Variants in SEMA3E observed in about 807,000 individuals in gnomAD.
The protein encoded by SEMA3E is semaphorin-3E.
In SEMA3E, 49 loss-of-function variants were observed where a neutral mutation model predicts 93.6. The observed-to-expected ratio is 0.52, with a 90% CI of 0.42 to 0.66. The LOEUF is 0.66. Ranked by LOEUF, SEMA3E falls within the 30% of genes least tolerant of loss-of-function variation. The probability of loss-of-function intolerance (pLI) is 0.00; values close to 1 mark genes in which losing one functional copy is unlikely to be tolerated. For missense variants in SEMA3E, 906 were observed against 964.8 expected (o/e 0.94, Z 0.81); for synonymous variants, 363 against 330.7 (o/e 1.10, Z -1.06).
intron 1 of SEMA3E, among the ~76,000 whole-genome samples, chr7:83,507,262 T>C (rs531249746): frequency 9.2e-4 from 140 of 152,186 alleles, no homozygotes; most frequent in African/African-American, 3.4e-3. Context: ...AGGAGGTCAA[T>C]TTTCTTTTTC....
At chr7:83,370,870 T>G (rs1465331448) in intron 16 of SEMA3E, among the ~76,000 whole-genome samples, 22 of 152,182 alleles carry the variant, frequency 1.4e-4, no homozygotes, top group Admixed American at 1.2e-3. Flanking sequence ...TTACTCTTCT[T>G]TAAAGCTCAC....
At chr7:83,422,160 A>G (rs192775983) in intron 4 of SEMA3E, among the ~76,000 whole-genome samples, 62 of 152,294 alleles carry the variant, frequency 4.1e-4, no homozygotes, top group Non-Finnish European at 1.0e-4. Flanking sequence ...CTGGGCAACA[A>G]GAGTGAAACT....
At chr7:83,641,563 T>C (rs957278189) in intron 1 of SEMA3E, 3 of 161,012 alleles carry the variant, frequency 1.9e-5, no homozygotes, top group African/African-American at 7.2e-5. Flanking sequence ...TGCCATCAGA[T>C]AAAATTCCAA....
intron 1 of SEMA3E, among the ~76,000 whole-genome samples, chr7:83,533,522 C>A (rs950071886): frequency 6.6e-6 from 1 of 151,374 alleles, no homozygotes; most frequent in African/African-American, 2.4e-5. Context: ...ACGGCCTGGG[C>A]GACAGAGTGA....
chr7:83,399,928 G>T (rs149312789), intron 11 of SEMA3E, 100 bp downstream of exon 11: 38 of 961,116 alleles, frequency 4.0e-5, no homozygotes, highest in Non-Finnish European at 5.9e-5. Context: ...TTGTTTAACA[G>T]ATGGACAGAT....
intron 1 of SEMA3E, among the ~76,000 whole-genome samples, chr7:83,511,042 A>G (rs1436994547): frequency 6.6e-6 from 1 of 152,212 alleles, no homozygotes; most frequent in African/African-American, 2.4e-5. Context: ...ACTTAAAAAA[A>G]TAAGTCTGTG....
At chr7:83,467,496 A>G (rs1329160786) in intron 3 of SEMA3E, among the ~76,000 whole-genome samples, 3 of 152,200 alleles carry the variant, frequency 2.0e-5, no homozygotes, top group African/African-American at 7.2e-5. Context: ...TAAGATTACT[A>G]TATTGCTGTA....
chr7:83,615,994 G>GA (rs75361688), intron 1 of SEMA3E, among the ~76,000 whole-genome samples: 10,093 of 130,774 alleles, frequency 0.077, 862 homozygotes, highest in African/African-American at 0.22. Context: ...TTAAGAAAAG[G>GA]AAAAAAAAAA....
At position 83,406,104 on chromosome 7, in the gene SEMA3E, G is replaced by A. The variant is rs753267139; in HGVS notation, c.814-45C>T. ...GGTAAATAGTTACCTAAAGAATTTC[G>A]ACCAACCACAGATTTCATATTATTA... On this transcript the variant is annotated intron_variant, in intron 7 of 16. Coordinates refer to ENST00000643230, the MANE Select transcript of SEMA3E (RefSeq NM_012431.3). 6.2e-5 allele frequency: 82 copies of A among 1,312,690 alleles called. No homozygotes were observed. The Middle Eastern group carries it at 9.1e-4, about 15-fold the overall frequency. 81.3% of individuals were successfully genotyped at this position (1,312,690 alleles called of 1,614,324 possible).
intron 4 of SEMA3E, among the ~76,000 whole-genome samples, chr7:83,424,146 A>C (rs183179877): frequency 1.2e-4 from 19 of 152,272 alleles, no homozygotes; most frequent in Admixed American, 8.5e-4. Flanking sequence ...ATAATGCCCC[A>C]GGAGTCAAAT....
chr7:83,484,535 C>T (rs1790214045), intron 2 of SEMA3E, among the ~76,000 whole-genome samples: 1 of 152,104 alleles, frequency 6.6e-6, no homozygotes, highest in South Asian at 2.1e-4. Flanking sequence ...TTTACCAGTT[C>T]TGCAGTGTAA....
intron 1 of SEMA3E, among the ~76,000 whole-genome samples, chr7:83,549,569 C>G (rs757190114): frequency 1.3e-5 from 2 of 152,012 alleles, no homozygotes; most frequent in Non-Finnish European, 2.9e-5. Context: ...TCATCAATTT[C>G]CATTGAATCA....
chr7:83,633,224 T>C (rs1793820541), intron 1 of SEMA3E, among the ~76,000 whole-genome samples: 1 of 152,128 alleles, frequency 6.6e-6, no homozygotes, highest in African/African-American at 2.4e-5. Context: ...CCTCTTCTTC[T>C]TCTCTCTGAC....
intron 1 of SEMA3E, among the ~76,000 whole-genome samples, chr7:83,580,689 C>A (rs1402903494): frequency 6.6e-6 from 1 of 151,974 alleles, no homozygotes; most frequent in Non-Finnish European, 1.5e-5. Context: ...CTTTTCCATG[C>A]TTCCTTAATC....
chr7:83,402,778 T>C lies in SEMA3E; in HGVS notation c.999-2A>G. ...ATAGCATGCCCTCGAAAAATATTAC[T>C]GAAAAATACAAAAAAGATAATTATT... On this transcript the variant is annotated splice_acceptor_variant, in intron 9 of 16. Transcript: ENST00000643230. LOFTEE classifies it high-confidence loss of function. 1 of 1,611,294 alleles carries C rather than the reference T, an allele frequency of 6.2e-7. No individual in the cohort carries two copies. The highest frequency in any genetic ancestry group is 1.7e-4 in the Middle Eastern group (1 of 6,044).
intron 1 of SEMA3E, among the ~76,000 whole-genome samples, chr7:83,600,660 T>G (rs1180258275): frequency 6.6e-6 from 1 of 151,996 alleles, no homozygotes; most frequent in Non-Finnish European, 1.5e-5. Context: ...ATATTAATTC[T>G]TATAAGCACG....
At position 83,366,727 on chromosome 7, in the gene SEMA3E, C is replaced by T. The variant is rs1794674679; in HGVS notation, c.*859G>A. The T allele has an allele frequency of 1.3e-5, 2 of 152,134 alleles. No homozygotes were observed. Among genetic ancestry groups the T allele is most frequent in the Middle Eastern group, 3.4e-3 (1 of 294 alleles). The allele number at this position is 152,134 out of a possible 1,614,324, so 9.4% of individuals were successfully genotyped here. A position where few individuals can be genotyped will look rare whatever the true frequency, so the allele number is the denominator to read the frequency against. ...CAAATGAACTTGATGTATCCATGTA[C>T]CTACTGATAATCTGCTTTCAAATCT... On this transcript the variant is annotated 3_prime_UTR_variant, in exon 17 of 17. Coordinates refer to ENST00000643230, the MANE Select transcript of SEMA3E (RefSeq NM_012431.3).
intron 4 of SEMA3E, among the ~76,000 whole-genome samples, chr7:83,455,270 A>G (rs1173737315): frequency 6.6e-6 from 1 of 152,234 alleles, no homozygotes; most frequent in Non-Finnish European, 1.5e-5. Flanking sequence ...TATGCCCTCA[A>G]GGACAATCAA....
chr7:83,400,646 T>C (rs1036245292), intron 10 of SEMA3E, among the ~76,000 whole-genome samples: 3 of 151,984 alleles, frequency 2.0e-5, no homozygotes, highest in Admixed American at 6.6e-5. Flanking sequence ...TCCTCAGAAA[T>C]TGGAAAGGCT....
Sources: gnomAD v4.1 joint callset for allele counts (sites outside exome capture counted in the v4.1 genomes callset) on GRCh38, gnomAD v4.1.1 for gene constraint, MANE v1.5 for transcripts, NCBI Gene and HGNC (gene_info 2026-07-23, HGNC 2026-07-21) for gene names.